The following HTR4 variants were observed in gnomAD, a reference collection of about 807,000 sequenced individuals.
HTR4 encodes the protein 5-hydroxytryptamine (serotonin) receptor 4, G protein-coupled.
HTR4 carries 16 observed loss-of-function variants against 36.8 expected under a neutral mutation model. The ratio of observed to expected loss-of-function variants is 0.43; its 90% confidence interval spans 0.29 to 0.66. HTR4 has a LOEUF of 0.66. Ranked by LOEUF, HTR4 falls within the 30% of genes least tolerant of loss-of-function variation. The pLI, the probability that HTR4 is intolerant of heterozygous loss-of-function variation, is 0.13. For synonymous variants in HTR4, 189 were observed against 185.1 expected, an observed-to-expected ratio of 1.02 and a Z score of -0.17; for missense variants, 438 against 490.9, an observed-to-expected ratio of 0.89 and a Z score of 1.02.
At chr5:148,457,162 G>A (rs1004748211) in intron 5 of HTR4, among the ~76,000 whole-genome samples, 37 of 151,928 alleles carry the variant, frequency 2.4e-4, no homozygotes, top group East Asian at 1.9e-4. Context: ...ATCTGTCAGA[G>A]TGGCAAAAGT....
chr5:148,647,058 G>C (rs1753893685), intron 1 of HTR4, among the ~76,000 whole-genome samples: 1 of 152,130 alleles, frequency 6.6e-6, no homozygotes, highest in Admixed American at 6.5e-5. Context: ...TTTTGCTCTT[G>C]GCATCATGTG....
At chr5:148,458,807 A>C (rs1267332201) in intron 5 of HTR4, among the ~76,000 whole-genome samples, 1 of 152,142 alleles carries the variant, frequency 6.6e-6, no homozygotes, top group East Asian at 1.9e-4. Flanking sequence ...TAAAAGCAAT[A>C]GGATGGCAGC....
intron 2 of HTR4, among the ~76,000 whole-genome samples, chr5:148,625,850 A>T (rs1264085165): frequency 6.7e-6 from 1 of 150,132 alleles, no homozygotes; most frequent in Non-Finnish European, 1.5e-5. Flanking sequence ...AAGTGCTGGG[A>T]TTACAGGTGT....
At position 148,565,372 on chromosome 5, in the gene HTR4, C is replaced by A. The variant is rs750661706; in HGVS notation, c.27-15110G>T. 2.6e-5 allele frequency among the ~76,000 whole-genome samples: 4 copies of A among 151,964 alleles called. 1 individual carries two copies. The highest frequency in any genetic ancestry group is 4.4e-5 in the Non-Finnish European group (3 of 67,982). ...CTGTTGAAACGACAACTATAAATAG[C>A]GGCCAGAGAAAAGAGATAATGAGTA... On this transcript the variant is annotated intron_variant, in intron 2 of 6. Coordinates refer to ENST00000377888, the MANE Select transcript of HTR4 (RefSeq NM_000870.7).
At chr5:148,523,761 C>T (rs776133458) in intron 4 of HTR4, among the ~76,000 whole-genome samples, 100 of 152,186 alleles carry the variant, frequency 6.6e-4, no homozygotes, top group Non-Finnish European at 1.2e-3. Context: ...GCTCCACACA[C>T]ACCAGAAGGT....
At position 148,649,273 on chromosome 5, in the gene HTR4, GAAA is replaced by G. The variant is rs80005324; in HGVS notation, c.-48+4786_-48+4788del. Among the ~76,000 whole-genome samples the G allele has an allele frequency of 1.1e-3, 152 of 143,424 alleles. 3 individuals carry two copies. The East Asian group carries it at 0.025, about 23-fold the overall frequency. The allele number at this position is 143,424 out of a possible 152,430, so 94.1% of individuals were successfully genotyped here. The stretch of plus-strand genomic sequence containing the variant: ...GCTTGGATGGGGAATGTGTGATCAT[GAAA>G]AAAAAAAAAGAAGCTAATATTCAAG... On this transcript the variant is annotated intron_variant, in intron 1 of 6. Transcript: ENST00000377888.
Position 148,654,252 on chromosome 5 carries a change from G to C in HTR4, c.-238C>G. On this transcript the variant is annotated 5_prime_UTR_variant, in exon 1 of 7. Transcript: ENST00000377888. The stretch of plus-strand genomic sequence containing the variant: ...CCGGCGAGCGTGAGGCGCGGGCCAG[G>C]GGCTGCGGGCGCAGGACCCCAGCCC... The C allele has an allele frequency of 1.0e-6, 1 of 985,198 alleles. No individual in the cohort carries two copies. The highest frequency in any genetic ancestry group is 1.2e-6 in the Non-Finnish European group (1 of 829,852). 61.0% of individuals were successfully genotyped at this position (985,198 alleles called of 1,614,324 possible). A position where few individuals can be genotyped will look rare whatever the true frequency, so the allele number is the denominator to read the frequency against.
At chr5:148,484,046 T>C (rs1374276783) in intron 6 of HTR4, among the ~76,000 whole-genome samples, 1 of 152,130 alleles carries the variant, frequency 6.6e-6, no homozygotes, top group African/African-American at 2.4e-5. Context: ...GGTATCACTT[T>C]AGTCAGCTGA....
intron 4 of HTR4, among the ~76,000 whole-genome samples, chr5:148,535,028 AG>A (rs1758747349): frequency 1.3e-5 from 2 of 152,166 alleles, no homozygotes; most frequent in African/African-American, 4.8e-5. Context: ...GTGAGGAAAC[AG>A]GGGAGCCACA....
intron 2 of HTR4, among the ~76,000 whole-genome samples, chr5:148,585,023 C>T (rs564894875): frequency 1.3e-5 from 2 of 152,090 alleles, no homozygotes; most frequent in African/African-American, 2.4e-5. Context: ...GGTATAGAAC[C>T]TAAAAGCACT....
chr5:148,599,821 T>C (rs1164605976), intron 2 of HTR4, among the ~76,000 whole-genome samples: 1 of 151,700 alleles, frequency 6.6e-6, no homozygotes, highest in East Asian at 1.9e-4. Flanking sequence ...AGGAGATAAA[T>C]GGAGTCAGAG....
At chr5:148,467,144 A>G (rs6889822) in intron 5 of HTR4, among the ~76,000 whole-genome samples, 52,588 of 152,018 alleles carry the variant, frequency 0.35, 9,901 homozygotes, top group East Asian at 0.62. Flanking sequence ...TAGTGCACAA[A>G]GGGTAGCCAA....
intron 6 of HTR4, among the ~76,000 whole-genome samples, chr5:148,506,388 A>C (rs549695635): frequency 9.2e-5 from 14 of 152,354 alleles, no homozygotes; most frequent in Admixed American, 7.8e-4. Context: ...TGGATTAAAG[A>C]CTTAAATGTC....
intron 5 of HTR4, among the ~76,000 whole-genome samples, chr5:148,515,455 A>G (rs1042983674): frequency 6.6e-6 from 1 of 152,194 alleles, no homozygotes; most frequent in Non-Finnish European, 1.5e-5. Flanking sequence ...ATGGTGTTTC[A>G]ATCTGGGATT....
intron 2 of HTR4, among the ~76,000 whole-genome samples, chr5:148,619,527 T>A (rs1415799644): frequency 1.3e-5 from 2 of 152,232 alleles, no homozygotes; most frequent in Non-Finnish European, 2.9e-5. Flanking sequence ...GTTCAGATTC[T>A]TGCTACAGAC....
At chr5:148,507,624 A>G (rs1165950051) in intron 6 of HTR4, among the ~76,000 whole-genome samples, 4 of 152,056 alleles carry the variant, frequency 2.6e-5, no homozygotes, top group Admixed American at 1.3e-4. Flanking sequence ...GTGTACATCC[A>G]TATGCCATCT....
At chr5:148,510,519 C>T (rs1757448977) in intron 5 of HTR4, among the ~76,000 whole-genome samples, 1 of 152,214 alleles carries the variant, frequency 6.6e-6, no homozygotes, top group South Asian at 2.1e-4. Flanking sequence ...ACCTGCAGTA[C>T]ATATTATAAG....
chr5:148,498,707 T>C (rs1161951925), intron 6 of HTR4, among the ~76,000 whole-genome samples: 7 of 152,108 alleles, frequency 4.6e-5, no homozygotes, highest in African/African-American at 1.7e-4. Context: ...TGAAGAAATG[T>C]GAAAAAGGTA....
chr5:148,621,403 G>T (rs1349108604), intron 2 of HTR4, among the ~76,000 whole-genome samples: 1 of 152,142 alleles, frequency 6.6e-6, no homozygotes, highest in African/African-American at 2.4e-5. Context: ...CCAACCCTAT[G>T]AGCCACCTGG....
Sources: allele counts gnomAD v4.1 joint callset (sites outside exome capture counted in the v4.1 genomes callset), GRCh38; gene constraint gnomAD v4.1.1; transcripts MANE v1.5; gene names NCBI Gene and HGNC (gene_info 2026-07-23, HGNC 2026-07-21).